Variants in ABCA7 observed in about 807,000 individuals in gnomAD.
The protein encoded by ABCA7 is ATP binding cassette subfamily A member 7.
A neutral mutation model predicts 227.6 loss-of-function variants in ABCA7; 261 were observed. The ratio of observed to expected loss-of-function variants is 1.15; its 90% CI spans 1.04 to 1.27. The LOEUF is 1.27. Ranked by LOEUF, ABCA7 falls within the 50% of genes most tolerant of loss-of-function variation. The probability of loss-of-function intolerance (pLI) is 0.00; values close to 1 mark genes in which losing one functional copy is unlikely to be tolerated. For synonymous variants in ABCA7, 1,488 were observed against 1,279.7 expected, an observed-to-expected ratio of 1.16 and a Z score of -3.47; for missense variants, 3,331 against 2,924.5, an observed-to-expected ratio of 1.14 and a Z score of -3.21.
In ABCA7 at chr19:1,053,526, G is replaced by A. The variant is rs756779245; in HGVS notation, c.3418G>A (p.Glu1140Lys). 2.2e-5 allele frequency: 35 copies of A among 1,559,400 alleles called. No individual in the cohort carries two copies. The highest frequency in any genetic ancestry group is 4.8e-5 in the East Asian group (2 of 41,936). Residue 1140 changes from glutamate to lysine, a missense_variant, in exon 24 of 47, where the codon GAG becomes AAG. By Grantham distance (56) the Glu-to-Lys change is moderately conservative. Transcript: ENST00000263094. Reference sequence around the variant, plus strand: ...CTACGGGATCTCCGACACCAGCCTCGAGGAGGTGTGAGGCCTGGGTGGTGG... The same window carrying A: ...CTACGGGATCTCCGACACCAGCCTCAAGGAGGTGTGAGGCCTGGGTGGTGG... Reference protein sequence around the residue: ...TGYGISDTSLEEIFLKVVEEC... With the variant: ...TGYGISDTSLKEIFLKVVEEC...
chr19:1,054,638 C>A lies in ABCA7; in HGVS notation c.3795C>A (p.His1265Gln). The change falls in exon 28 of 47, where the codon CAC (histidine) becomes CAA (glutamine). Residue 1265 changes from histidine (H) to glutamine (Q), a missense_variant. By Grantham distance (24) the His-to-Gln change is conservative. Coordinates refer to ENST00000263094, the MANE Select transcript of ABCA7 (RefSeq NM_019112.4). This position sits in a 1 kb window ranked among gnomAD's most constrained non-coding sequence, Gnocchi z 4.8. ...VFSLIVPPFG[H>Q]YPALRLSPTM... Reference sequence around the variant, plus strand: ...GCCTCATCGTGCCTCCTTTCGGGCACTACCCGGCTCTGCGGCTCAGTCCCA... The same window carrying A: ...GCCTCATCGTGCCTCCTTTCGGGCAATACCCGGCTCTGCGGCTCAGTCCCA... 2 of 1,613,434 alleles carry A rather than the reference C, an allele frequency of 1.2e-6. No individual in the cohort carries two copies. The highest frequency in any genetic ancestry group is 1.7e-6 in the Non-Finnish European group (2 of 1,179,966).
intron 1 of ABCA7, among the ~76,000 whole-genome samples, chr19:1,040,469 G>C (rs2039911387): frequency 6.6e-6 from 1 of 152,066 alleles, no homozygotes; most frequent in South Asian, 2.1e-4. Context: ...GAGAAACTGA[G>C]CCCACTCCCC....
intron 21 of ABCA7, 118 bp downstream of exon 21, chr19:1,051,704 T>C (rs559814462): frequency 8.8e-7 from 1 of 1,134,530 alleles, no homozygotes; most frequent in African/African-American, 1.6e-5. Flanking sequence ...CTTGTTGCTA[T>C]GGCATTTAGG....
intron 40 of ABCA7, among the ~76,000 whole-genome samples, chr19:1,060,195 G>GTATATATATATATATA (rs138175754): frequency 1.9e-5 from 1 of 53,512 alleles, no homozygotes; most frequent in African/African-American, 6.6e-5. Context: ...ACACATTGCA[G>GTATATATATATATATA]TATATATATA....
intron 17 of ABCA7, 116 bp from the exon 18 acceptor site, chr19:1,049,150 G>A (rs562255475): frequency 1.1e-5 from 14 of 1,280,756 alleles, no homozygotes; most frequent in East Asian, 2.4e-5. Context: ...CCAAGCTCCC[G>A]CAGCTTTTAT....
At chr19:1,043,593 T>G in intron 9 of ABCA7, 120 bp downstream of exon 9, 1 of 1,568,892 alleles carries the variant, frequency 6.4e-7, no homozygotes, top group Non-Finnish European at 8.7e-7. Context: ...GAAGTAGGAG[T>G]TAGCCGATGG....
Position 1,046,350 on chromosome 19 carries a change from C to A in ABCA7, c.1566C>A (p.Asn522Lys). 1 of 1,598,378 alleles carries A rather than the reference C, an allele frequency of 6.3e-7. No individual in the cohort carries two copies. Among genetic ancestry groups the A allele is most frequent in the Non-Finnish European group, 8.5e-7 (1 of 1,176,716 alleles). The change falls in exon 13 of 47, where the codon AAC becomes AAA. Residue 522 changes from asparagine (N) to lysine (K), a missense_variant. By Grantham distance (94) the Asn-to-Lys change is moderately conservative (BLOSUM62 0). Coordinates refer to ENST00000263094, the MANE Select transcript of ABCA7 (RefSeq NM_019112.4). ...RAAVRVLSGA[N>K]PRAGLYLQQM... ...CCGTCCGCGTGCTCAGCGGCGCCAA[C>A]CCCCGGGCCGGCCTCTACCTGCAGC...
intron 18 of ABCA7, 102 bp from the exon 19 acceptor site, chr19:1,050,819 A>AATAATT: frequency 3.1e-6 from 2 of 648,514 alleles, no homozygotes; most frequent in Admixed American, 4.2e-5. Context: ...TAATAATAAT[A>AATAATT]AATAATTAAA....
chr19:1,043,803 A>G lies in ABCA7; in HGVS notation c.1009A>G (p.Thr337Ala), dbSNP rs764689222. 1.2e-6 allele frequency: 2 copies of G among 1,612,892 alleles called. No homozygotes were observed. Among genetic ancestry groups the G allele is most frequent in the Admixed American group, 3.3e-5 (2 of 59,968 alleles). The change falls in exon 10 of 47, where the codon ACC becomes GCC. Residue 337 changes from threonine (T) to alanine (A), a missense_variant. Thr to Ala is a moderately conservative substitution (Grantham distance 58, BLOSUM62 0). Coordinates refer to ENST00000263094, the MANE Select transcript of ABCA7 (RefSeq NM_019112.4). ...VWEMLGPRIF[T>A]FMNDSSNVAM... ...GGAGATGCTGGGACCCCGGATCTTC[A>G]CCTTCATGAACGACAGTTCCAATGT...
intron 42 of ABCA7, 133 bp from the exon 43 acceptor site, chr19:1,063,411 C>G (rs532626928): frequency 3.9e-6 from 5 of 1,289,046 alleles, no homozygotes; most frequent in Middle Eastern, 5.5e-4. Context: ...ACACTATGTC[C>G]CATTCTCACA....
At chr19:1,059,378 C>T (rs2042505372) in intron 40 of ABCA7, 1 of 151,856 alleles carries the variant, frequency 6.6e-6, no homozygotes, top group South Asian at 2.1e-4. Context: ...CATTCTCCTG[C>T]CTCAGCCTCC....
intron 21 of ABCA7, 82 bp from the exon 22 acceptor site, chr19:1,051,860 C>G (rs1348231415): frequency 1.3e-6 from 2 of 1,536,702 alleles, no homozygotes; most frequent in Non-Finnish European, 1.8e-6. Flanking sequence ...CTTCATGGGG[C>G]AGACAACTCC....
intron 1 of ABCA7, among the ~76,000 whole-genome samples, chr19:1,040,408 C>A (rs981589019): frequency 1.1e-4 from 17 of 152,268 alleles, no homozygotes; most frequent in African/African-American, 4.1e-4. Context: ...ACACCTGCAG[C>A]CCCCTGCCCG....
At chr19:1,043,497 G>A (rs751875563) in intron 9 of ABCA7, 24 bp downstream of exon 9, 1 of 1,613,032 alleles carries the variant, frequency 6.2e-7, no homozygotes, top group Non-Finnish European at 8.5e-7. Context: ...GGATGCTGGG[G>A]TGGGAGGGTG....
rs2040743230 is a variant in ABCA7, at chr19:1,046,937, C to G, written c.1758C>G (p.Leu586=). ...RLRDTMRAMG[L]SRAVLWLGWF... is the part of the protein sequence containing the mutation. ...GGGACACCATGCGCGCCATGGGGCT[C>G]AGCCGCGCGGTGCTCTGGCTAGGCT... Residue 586 remains leucine, a synonymous_variant, in exon 14 of 47, where the codon CTC becomes CTG. Coordinates refer to ENST00000263094, the MANE Select transcript of ABCA7 (RefSeq NM_019112.4). 1 of 1,564,680 alleles carries G rather than the reference C, an allele frequency of 6.4e-7. No individual in the cohort carries two copies. Among genetic ancestry groups the G allele is most frequent in the Non-Finnish European group, 8.6e-7 (1 of 1,163,806 alleles).
intron 18 of ABCA7, 83 bp downstream of exon 18, chr19:1,049,520 C>T (rs2041211600): frequency 4.3e-6 from 1 of 230,488 alleles, no homozygotes; most frequent in Non-Finnish European, 7.2e-6. Context: ...CCGTGAGCCC[C>T]CCACCACTCC....
chr19:1,065,420 C>G lies in ABCA7; in HGVS notation c.6436C>G (p.Leu2146Val). ...LDDPSTAETV[L>V] Reference sequence around the variant, plus strand: ...TGACCCTAGCACTGCCGAGACTGTGCTCTGAGCCTCCCTCCCCTGCGGGGC... The same window carrying G: ...TGACCCTAGCACTGCCGAGACTGTGGTCTGAGCCTCCCTCCCCTGCGGGGC... The change falls in exon 47 of 47, where the codon CTC becomes GTC. Residue 2146 changes from leucine (L) to valine (V), a missense_variant. Physicochemically the swap from Leu to Val is conservative, Grantham distance 32. Coordinates refer to ENST00000263094, the MANE Select transcript of ABCA7 (RefSeq NM_019112.4). The G allele has an allele frequency of 6.2e-7, 1 of 1,613,208 alleles. No individual in the cohort carries two copies. Among genetic ancestry groups the G allele is most frequent in the Non-Finnish European group, 8.5e-7 (1 of 1,179,840 alleles).
At position 1,056,840 on chromosome 19, in the gene ABCA7, G is replaced by T; in HGVS notation, c.4587-67G>T. 6.5e-7 allele frequency: 1 copy of T among 1,527,000 alleles called. No individual in the cohort carries two copies. Among genetic ancestry groups the T allele is most frequent in the East Asian group, 2.3e-5 (1 of 44,070 alleles). The allele number at this position is 1,527,000 out of a possible 1,614,324, so 94.6% of individuals were successfully genotyped here. A position where few individuals can be genotyped will look rare whatever the true frequency, so the allele number is the denominator to read the frequency against. On this transcript the variant is annotated intron_variant, in intron 33 of 46. Coordinates refer to ENST00000263094, the MANE Select transcript of ABCA7 (RefSeq NM_019112.4). This position sits in a 1 kb window ranked among gnomAD's most constrained non-coding sequence, Gnocchi z 4.3. ...TAGACCTTTGTCCCATCAATGGCGT[G>T]TTCAGCTCTGCTCTGAGCAACCCAT...
chr19:1,047,094 C>A, intron 14 of ABCA7, 63 bp from the exon 15 acceptor site: 2 of 1,555,980 alleles, frequency 1.3e-6, no homozygotes, highest in Non-Finnish European at 1.7e-6. Context: ...GGCGGCCCCA[C>A]GTGGGTGCGC....
Sources: gnomAD v4.1 joint callset for allele counts (sites outside exome capture counted in the v4.1 genomes callset) on GRCh38, gnomAD v4.1.1 for gene constraint, Gnocchi (gnomAD v3.1) non-coding constraint, MANE v1.5 for transcripts, NCBI Gene and HGNC (gene_info 2026-07-23, HGNC 2026-07-21) for gene names.